PLCH1: variants seen among roughly 807,000 people sequenced by gnomAD.
The protein encoded by PLCH1 is phospholipase C eta 1.
Under a neutral mutation model 126.7 loss-of-function variants are expected in PLCH1, and 60 were observed. The ratio of observed to expected loss-of-function variants is 0.47; its 90% CI spans 0.38 to 0.59. The LOEUF (loss-of-function observed/expected upper bound fraction) is 0.59. PLCH1 is among the 20% of genes least tolerant of loss of function. The pLI, the probability that PLCH1 is intolerant of heterozygous loss-of-function variation, is 0.00. For missense variants in PLCH1, 1,723 were observed against 2,040.0 expected (o/e 0.84, Z 2.99); for synonymous variants, 719 against 734.9 (o/e 0.98, Z 0.35).
At chr3:155,614,528 A>G (rs1338074295) in intron 2 of PLCH1, among the ~76,000 whole-genome samples, 2 of 152,186 alleles carry the variant, frequency 1.3e-5, no homozygotes, top group Non-Finnish European at 2.9e-5. Flanking sequence ...ACCCAACTTC[A>G]AACTATACTA....
At chr3:155,523,541 A>T (rs1721485097) in intron 11 of PLCH1, among the ~76,000 whole-genome samples, 1 of 152,174 alleles carries the variant, frequency 6.6e-6, no homozygotes, top group South Asian at 2.1e-4. Flanking sequence ...GGGGGCTGCT[A>T]GCACGAGGTA....
intron 2 of PLCH1, among the ~76,000 whole-genome samples, chr3:155,628,079 T>C (rs4680202): frequency 0.19 from 28,882 of 152,024 alleles, 3,548 homozygotes; most frequent in African/African-American, 0.35. Context: ...AAGACACATT[T>C]TTATGTGAAC....
intron 2 of PLCH1, among the ~76,000 whole-genome samples, chr3:155,611,521 A>G (rs1260355406): frequency 6.6e-6 from 1 of 152,250 alleles, no homozygotes; most frequent in Non-Finnish European, 1.5e-5. Flanking sequence ...AATTTATTAA[A>G]CAATTACTAC....
Position 155,509,139 on chromosome 3 carries a change from C to T in PLCH1, c.1633-4513G>A, listed in dbSNP as rs370790078. On this transcript the variant is annotated intron_variant, in intron 12 of 22. Transcript: ENST00000460012. ...TCTTCTAGATTTTCTAGTTTATTTG[C>T]GTAGAGGTGTTTGTAGTATTCTCTT... is the stretch of plus-strand genomic sequence containing the variant. Among the ~76,000 whole-genome samples the T allele has an allele frequency of 5.4e-3, 758 of 140,696 alleles. 27 individuals carry two copies. The highest frequency in any genetic ancestry group is 9.8e-3 in the South Asian group (44 of 4,470). The allele number at this position is 140,696 out of a possible 152,430, so 92.3% of individuals were successfully genotyped here. A position where few individuals can be genotyped will look rare whatever the true frequency, so the allele number is the denominator to read the frequency against.
At chr3:155,458,780 T>C (rs896703725) in intron 21 of PLCH1, among the ~76,000 whole-genome samples, 2 of 152,206 alleles carry the variant, frequency 1.3e-5, no homozygotes, top group Non-Finnish European at 2.9e-5. Context: ...ATGGTTTTAT[T>C]TGACCTCTCT....
chr3:155,607,599 C>T (rs1042443935), intron 2 of PLCH1, among the ~76,000 whole-genome samples: 4 of 151,992 alleles, frequency 2.6e-5, no homozygotes, highest in Admixed American at 2.6e-4. Flanking sequence ...TGCCACCACA[C>T]CTGGCTAATT....
chr3:155,700,035 G>C (rs1005835686), intron 2 of PLCH1, among the ~76,000 whole-genome samples: 1 of 152,108 alleles, frequency 6.6e-6, no homozygotes, highest in African/African-American at 2.4e-5. Context: ...TGACTACACA[G>C]AGACCTCACA....
At chr3:155,528,707 C>T (rs1413355485) in intron 10 of PLCH1, among the ~76,000 whole-genome samples, 1 of 152,086 alleles carries the variant, frequency 6.6e-6, no homozygotes, top group Non-Finnish European at 1.5e-5. Context: ...AACTGATATG[C>T]ATCACTGATA....
At chr3:155,451,329 A>C (rs545863339) in intron 21 of PLCH1, among the ~76,000 whole-genome samples, 1 of 152,312 alleles carries the variant, frequency 6.6e-6, no homozygotes, top group South Asian at 2.1e-4. Context: ...ACCAAATACA[A>C]AGAGGAAAAT....
intron 2 of PLCH1, among the ~76,000 whole-genome samples, chr3:155,681,521 C>T (rs1311304567): frequency 6.6e-6 from 1 of 152,196 alleles, no homozygotes; most frequent in Non-Finnish European, 1.5e-5. Context: ...AATCAGTGAT[C>T]TTCACCAGAT....
At chr3:155,727,436 G>A (rs1748425197) in intron 1 of PLCH1, among the ~76,000 whole-genome samples, 3 of 146,544 alleles carry the variant, frequency 2.0e-5, no homozygotes, top group South Asian at 2.2e-4. Flanking sequence ...TGTCCAGGCT[G>A]GAGTGCAGTG....
Position 155,529,689 on chromosome 3 carries a change from G to A in PLCH1, c.1363-5685C>T, listed in dbSNP as rs138036552. On this transcript the variant is annotated intron_variant, in intron 10 of 22. Transcript: ENST00000460012. Reference sequence around the variant, plus strand: ...TTTTGCTGGCGGAGGGTCTTGTTTCGATGTGGATAGCTGCTGACTGATCAG... The same window carrying A: ...TTTTGCTGGCGGAGGGTCTTGTTTCAATGTGGATAGCTGCTGACTGATCAG... Among the ~76,000 whole-genome samples the A allele has an allele frequency of 2.0e-3, 309 of 152,310 alleles. 1 individual carries two copies. Among genetic ancestry groups the A allele is most frequent in the African/African-American group, 7.0e-3 (290 of 41,562 alleles).
At chr3:155,462,727 T>TCA (rs1255241520) in intron 21 of PLCH1, among the ~76,000 whole-genome samples, 1 of 152,076 alleles carries the variant, frequency 6.6e-6, no homozygotes, top group Admixed American at 6.5e-5. Context: ...TTTCAGCTAC[T>TCA]CAGCTACTCG....
chr3:155,664,174 G>A (rs1264271142), intron 2 of PLCH1, among the ~76,000 whole-genome samples: 2 of 152,206 alleles, frequency 1.3e-5, no homozygotes, highest in Non-Finnish European at 2.9e-5. Context: ...ATTCAGCTGG[G>A]ACTGAACTCA....
In PLCH1 at chr3:155,533,960, G is replaced by A. The variant is rs1240084973; in HGVS notation, c.1363-9956C>T. On this transcript the variant is annotated intron_variant, in intron 10 of 22. Transcript: ENST00000460012. ...AACCTCTGCCTAGATTTCAAAGGAT[G>A]TATGGAAACACCTGGATGCCTAGGC... Among the ~76,000 whole-genome samples, 4 of 152,270 alleles carry A rather than the reference G, an allele frequency of 2.6e-5. No individual in the cohort carries two copies. The East Asian group carries it at 5.8e-4, about 22-fold the overall frequency.
At chr3:155,483,092 T>G in intron 22 of PLCH1, 41 bp from the exon 23 acceptor site, 1 of 1,550,102 alleles carries the variant, frequency 6.5e-7, no homozygotes, top group Non-Finnish European at 8.8e-7. Flanking sequence ...ATCTATCACT[T>G]TATGTAGGAC....
At chr3:155,634,737 T>C (rs1738517968) in intron 2 of PLCH1, among the ~76,000 whole-genome samples, 1 of 152,154 alleles carries the variant, frequency 6.6e-6, no homozygotes, top group South Asian at 2.1e-4. Flanking sequence ...AAACCAAGCC[T>C]CATGCCAGAA....
At chr3:155,697,554 A>G (rs1389664571) in intron 2 of PLCH1, among the ~76,000 whole-genome samples, 1 of 152,226 alleles carries the variant, frequency 6.6e-6, no homozygotes, top group Non-Finnish European at 1.5e-5. Context: ...CAGCCCCTAC[A>G]GTGTGAGAAG....
At chr3:155,532,803 A>G (rs542564602) in intron 10 of PLCH1, among the ~76,000 whole-genome samples, 1 of 152,302 alleles carries the variant, frequency 6.6e-6, no homozygotes, top group South Asian at 2.1e-4. Flanking sequence ...ATTTCTTTAT[A>G]GCAGTGTGAA....
Sources: gnomAD v4.1 joint callset for allele counts (sites outside exome capture counted in the v4.1 genomes callset) on GRCh38, gnomAD v4.1.1 for gene constraint, MANE v1.5 for transcripts, NCBI Gene and HGNC (gene_info 2026-07-23, HGNC 2026-07-21) for gene names.